SPG7: variants seen among roughly 807,000 people sequenced by gnomAD.
The protein encoded by SPG7 is mitochondrial inner membrane m-AAA protease component paraplegin.
Under a neutral mutation model 81.9 loss-of-function variants are expected in SPG7, and 103 were observed. The observed-to-expected ratio is 1.26, with a 90% confidence interval of 1.07 to 1.48. The LOEUF (loss-of-function observed/expected upper bound fraction) is 1.48, where lower values mean the gene tolerates loss of function less well. SPG7 is among the 40% of genes most tolerant of loss of function. The pLI is 0.00. For missense variants in SPG7, 1,241 were observed against 1,087.3 expected, an observed-to-expected ratio of 1.14 and a Z score of -1.99; for synonymous variants, 534 against 444.2, an observed-to-expected ratio of 1.20 and a Z score of -2.54.
chr16:89,529,861 C>T (rs562404860), intron 6 of SPG7: 59 of 439,342 alleles, frequency 1.3e-4, no homozygotes, highest in African/African-American at 2.6e-4. Flanking sequence ...TTTTTTGAGA[C>T]GGAGTTTCGC....
chr16:89,515,646 G>C (rs1380842969), intron 3 of SPG7, among the ~76,000 whole-genome samples: 1 of 150,540 alleles, frequency 6.6e-6, no homozygotes, highest in Non-Finnish European at 1.5e-5. Flanking sequence ...AGGCCAAGGT[G>C]GGATGATCAC....
At chr16:89,535,187 C>T (rs1023461009) in intron 9 of SPG7, among the ~76,000 whole-genome samples, 5 of 152,150 alleles carry the variant, frequency 3.3e-5, no homozygotes, top group African/African-American at 9.7e-5. Context: ...TTTACAGTGT[C>T]GCTGCACCTG....
chr16:89,539,610 A>T (rs1048758627), intron 9 of SPG7: 12 of 151,940 alleles, frequency 7.9e-5, no homozygotes, highest in African/African-American at 2.9e-4. Flanking sequence ...TCTGTCACCC[A>T]GGCTGGAGTG....
intron 11 of SPG7, chr16:89,547,088 A>G (rs1405403216): frequency 2.5e-5 from 9 of 358,394 alleles, no homozygotes; most frequent in Non-Finnish European, 4.3e-5. Context: ...CAGACCACGC[A>G]GTCCCGGCAA....
chr16:89,518,559 C>T (rs1460803208), intron 3 of SPG7: 2 of 151,450 alleles, frequency 1.3e-5, no homozygotes, highest in Admixed American at 6.6e-5. Flanking sequence ...AAAAAGACTC[C>T]GCTCACTGAT....
intron 6 of SPG7, 158 bp from the exon 7 acceptor site, chr16:89,530,525 T>C: frequency 1.2e-6 from 1 of 808,602 alleles, no homozygotes; most frequent in Non-Finnish European, 2.2e-6. Flanking sequence ...GCTTGAAGAC[T>C]GACTGTGAGC....
At chr16:89,518,440 G>T (rs766462776) in intron 3 of SPG7, 6 of 151,974 alleles carry the variant, frequency 3.9e-5, no homozygotes, top group Non-Finnish European at 5.9e-5. Flanking sequence ...GTGAAAAAAG[G>T]CTCCGCTCAC....
chr16:89,526,490 A>T, intron 5 of SPG7, 22 bp downstream of exon 5: 1 of 1,613,962 alleles, frequency 6.2e-7, no homozygotes, highest in Non-Finnish European at 8.5e-7. Context: ...GTATTTGTTG[A>T]TGCTTGAACT....
In SPG7 at chr16:89,530,624, A is replaced by G. The variant is rs1021768760; in HGVS notation, c.862-59A>G. The stretch of plus-strand genomic sequence containing the variant: ...TCAGGTGCGTGGGCTGAGCGCTGGC[A>G]TCGTGCTGCTGATTTCCTGACTTCG... On this transcript the variant is annotated intron_variant, in intron 6 of 16. Transcript: ENST00000645818. 8.7e-6 allele frequency: 14 copies of G among 1,612,020 alleles called. No homozygotes were observed. The African/African-American group carries it at 1.5e-4, about 17-fold the overall frequency.
intron 3 of SPG7, chr16:89,522,290 C>T (rs11649373): frequency 6.6e-6 from 1 of 152,194 alleles, no homozygotes; most frequent in East Asian, 1.9e-4. Context: ...TTGAATTCGT[C>T]TAAAATGATT....
intron 2 of SPG7, among the ~76,000 whole-genome samples, chr16:89,512,610 G>A (rs528368368): frequency 2.0e-5 from 3 of 152,306 alleles, no homozygotes; most frequent in Admixed American, 1.3e-4. Context: ...CACGCCTGGC[G>A]TGTTTAAGTT....
At chr16:89,540,297 A>T (rs1343401208) in intron 9 of SPG7, 1 of 152,172 alleles carries the variant, frequency 6.6e-6, no homozygotes, top group Non-Finnish European at 1.5e-5. Flanking sequence ...TAGAGTAAAG[A>T]GCAGTGACCG....
chr16:89,544,722 A>G lies in SPG7; in HGVS notation c.1399A>G (p.Arg467Gly), dbSNP rs2152409125. The G allele has an allele frequency of 1.2e-6, 2 of 1,614,130 alleles. No homozygotes were observed. Among genetic ancestry groups the G allele is most frequent in the South Asian group, 2.2e-5 (2 of 91,082 alleles). ...RADILDGALM[R>G]PGRLDRHVFI... ...TGACATTTTGGACGGTGCTCTGATG[A>G]GGCCAGGCCGACTGGACCGGCACGT... Residue 467 changes from arginine to glycine, a missense_variant, in exon 10 of 17, where the codon AGG becomes GGG. Coordinates refer to ENST00000645818, the MANE Select transcript of SPG7 (RefSeq NM_003119.4).
chr16:89,530,636 AT>A (rs1567912439), intron 6 of SPG7, 46 bp from the exon 7 acceptor site: 1 of 1,613,656 alleles, frequency 6.2e-7, no homozygotes, highest in South Asian at 1.1e-5. Context: ...CGTGCTGCTG[AT>A]TTCCTGACTT....
At chr16:89,547,918 T>C in intron 11 of SPG7, 85 bp from the exon 12 acceptor site, 2 of 1,020,792 alleles carry the variant, frequency 2.0e-6, no homozygotes, top group Admixed American at 1.7e-5. Flanking sequence ...CGGCCATCTT[T>C]GTTCTCCCTT....
chr16:89,553,278 G>T, intron 14 of SPG7, 143 bp downstream of exon 14: 2 of 950,286 alleles, frequency 2.1e-6, no homozygotes, highest in Non-Finnish European at 1.6e-6. Flanking sequence ...ATAAGTTGTG[G>T]TCATAAGAGA....
At chr16:89,549,501 A>G (rs1408957949) in intron 12 of SPG7, 1 of 341,174 alleles carries the variant, frequency 2.9e-6, no homozygotes, top group Non-Finnish European at 5.7e-6. Context: ...TCTTAAAAGA[A>G]AAGAATAAAG....
intron 3 of SPG7, chr16:89,518,512 A>G (rs1167342610): frequency 6.6e-6 from 1 of 151,438 alleles, no homozygotes; most frequent in Non-Finnish European, 1.5e-5. Flanking sequence ...GCTCACTGGT[A>G]AGGCGGGTGA....
At chr16:89,544,823 C>A in intron 10 of SPG7, 51 bp downstream of exon 10, 2 of 1,609,738 alleles carry the variant, frequency 1.2e-6, no homozygotes, top group South Asian at 2.2e-5. Context: ...CGCCCCCACT[C>A]GCTCTGAGTG....
Sources: gnomAD v4.1 joint callset for allele counts (sites outside exome capture counted in the v4.1 genomes callset) on GRCh38, gnomAD v4.1.1 for gene constraint, MANE v1.5 for transcripts, NCBI Gene and HGNC (gene_info 2026-07-23, HGNC 2026-07-21) for gene names.